The following TAF3 variants were observed in gnomAD, a reference collection of about 807,000 sequenced individuals.
TAF3 encodes the protein TATA-box binding protein associated factor 3.
TAF3 carries 7 observed loss-of-function variants against 80.6 expected under a neutral mutation model. That is an observed-to-expected ratio of 0.09 (90% CI 0.05 to 0.16). The LOEUF (loss-of-function observed/expected upper bound fraction) is 0.16. TAF3 is among the 10% of genes least tolerant of loss of function. TAF3 has a pLI of 1.00. For missense variants in TAF3, 921 were observed against 1,140.2 expected (o/e 0.81, Z 2.77); for synonymous variants, 444 against 446.1 (o/e 1.00, Z 0.06).
intron 2 of TAF3, among the ~76,000 whole-genome samples, chr10:7,933,071 A>G (rs372421047): frequency 6.9e-6 from 1 of 144,934 alleles, no homozygotes; most frequent in Non-Finnish European, 1.5e-5. Flanking sequence ...TACTGCCTTA[A>G]AAGAAGGGGG....
intron 2 of TAF3, among the ~76,000 whole-genome samples, chr10:7,907,923 C>T (rs764210225): frequency 6.6e-6 from 1 of 152,062 alleles, no homozygotes; most frequent in South Asian, 2.1e-4. Context: ...CAGCAGGAGT[C>T]GATGGGGACT....
intron 4 of TAF3, among the ~76,000 whole-genome samples, chr10:7,988,572 C>CAAAAAA (rs58825999): frequency 0.076 from 3,737 of 49,118 alleles, 783 homozygotes; most frequent in Non-Finnish European, 0.12. Flanking sequence ...GACCCTGTCT[C>CAAAAAA]AAAAAAAAAA....
At chr10:7,913,984 A>AG (rs904534638) in intron 2 of TAF3, among the ~76,000 whole-genome samples, 20 of 152,300 alleles carry the variant, frequency 1.3e-4, no homozygotes, top group African/African-American at 4.6e-4. Flanking sequence ...AAAAGAGAGC[A>AG]GGGGGGAACC....
At chr10:7,865,035 A>G (rs933915004) in intron 2 of TAF3, among the ~76,000 whole-genome samples, 1 of 152,106 alleles carries the variant, frequency 6.6e-6, no homozygotes, top group African/African-American at 2.4e-5. Flanking sequence ...CTTGGTAGAA[A>G]TGCCGGTGGA....
rs542793680 is a variant in TAF3 at position 7,908,420 on chromosome 10, C to G, written c.410-55500C>G. Among the ~76,000 whole-genome samples, 6 of 152,310 alleles carry G rather than the reference C, an allele frequency of 3.9e-5. No individual in the cohort carries two copies. In the South Asian group the frequency reaches 1.2e-3, roughly 32 times the overall value. On this transcript the variant is annotated intron_variant, in intron 2 of 6. Transcript: ENST00000344293. ...AAATCTCCTCAACTTTAAGCATTGG[C>G]AACTTTAAATTCTAACAATTGCTAT... is the stretch of plus-strand genomic sequence containing the variant.
intron 2 of TAF3, among the ~76,000 whole-genome samples, chr10:7,932,917 TGATC>T (rs1837882328): frequency 1.3e-5 from 2 of 151,982 alleles, no homozygotes; most frequent in East Asian, 3.9e-4. Context: ...TGGGCTCGAG[TGATC>T]CTCCCGCCTT....
At chr10:7,966,371 A>G (rs11255462) in intron 3 of TAF3, among the ~76,000 whole-genome samples, 44,824 of 152,180 alleles carry the variant, frequency 0.29, 7,970 homozygotes, top group Non-Finnish European at 0.39. Flanking sequence ...GTAATCCCAC[A>G]TGGCAGAAAT....
At chr10:7,898,854 G>A (rs972870906) in intron 2 of TAF3, among the ~76,000 whole-genome samples, 3 of 151,694 alleles carry the variant, frequency 2.0e-5, no homozygotes, top group Non-Finnish European at 2.9e-5. Flanking sequence ...CTCAAATGTT[G>A]TGGATTGCTG....
At chr10:7,940,952 C>T (rs1486773125) in intron 2 of TAF3, among the ~76,000 whole-genome samples, 1 of 150,750 alleles carries the variant, frequency 6.6e-6, no homozygotes, top group Admixed American at 6.6e-5. Flanking sequence ...GAGCAAGACC[C>T]TGTCTCAAAA....
At chr10:7,870,498 T>C (rs116449312) in intron 2 of TAF3, among the ~76,000 whole-genome samples, 2,527 of 152,292 alleles carry the variant, frequency 0.017, 72 homozygotes, top group African/African-American at 0.058. Flanking sequence ...GGTGGTTCAT[T>C]ATAAAATACA....
intron 2 of TAF3, among the ~76,000 whole-genome samples, chr10:7,930,016 C>T (rs191324942): frequency 5.9e-5 from 9 of 152,198 alleles, no homozygotes; most frequent in South Asian, 4.1e-4. Context: ...AGCCTGGGCA[C>T]GATAGGGAGG....
intron 2 of TAF3, among the ~76,000 whole-genome samples, chr10:7,866,673 C>G (rs1219661999): frequency 2.6e-5 from 4 of 151,996 alleles, no homozygotes; most frequent in East Asian, 1.9e-4. Flanking sequence ...AATGGGAAAC[C>G]ATTGAAGAGT....
rs200853732 is a variant in TAF3 at position 7,957,871 on chromosome 10, GT to G, written c.410-6047del. 6.7e-3 allele frequency among the ~76,000 whole-genome samples: 995 copies of G among 149,284 alleles called. 8 individuals carry two copies. Among genetic ancestry groups the G allele is most frequent in the African/African-American group, 0.023 (936 of 40,644 alleles). On this transcript the variant is annotated intron_variant, in intron 2 of 6. Coordinates refer to ENST00000344293, the MANE Select transcript of TAF3 (RefSeq NM_031923.4). ...TTATTATTATTATGTCTATATTTGT[GT>G]TAAAGTAGAAAGGGCCTGTGACCCA...
At chr10:7,864,670 G>A in intron 2 of TAF3, among the ~76,000 whole-genome samples, 1 of 152,022 alleles carries the variant, frequency 6.6e-6, no homozygotes. Flanking sequence ...TTATTATTCA[G>A]CTGTGAAAGT....
chr10:7,831,607 G>A (rs985880735), intron 2 of TAF3, among the ~76,000 whole-genome samples: 6 of 152,186 alleles, frequency 3.9e-5, no homozygotes, highest in African/African-American at 1.2e-4. Context: ...GCCTCCCAAA[G>A]TGCTGGGATT....
chr10:7,932,709 G>A (rs1315548928), intron 2 of TAF3, among the ~76,000 whole-genome samples: 2 of 107,340 alleles, frequency 1.9e-5, no homozygotes, highest in African/African-American at 3.7e-5. Context: ...AGAGGGTCTT[G>A]CTCTGTCATC....
chr10:7,893,670 T>A (rs1259028884), intron 2 of TAF3, among the ~76,000 whole-genome samples: 1 of 152,218 alleles, frequency 6.6e-6, no homozygotes, highest in African/African-American at 2.4e-5. Context: ...TTCCTTCTTA[T>A]CATCCCTTTG....
At chr10:7,830,604 C>A (rs1034022579) in intron 2 of TAF3, among the ~76,000 whole-genome samples, 1 of 151,132 alleles carries the variant, frequency 6.6e-6, no homozygotes, top group South Asian at 2.1e-4. Context: ...CTGCCTCAGC[C>A]TCCCGAGTAG....
At chr10:7,896,327 C>T (rs1257253072) in intron 2 of TAF3, among the ~76,000 whole-genome samples, 1 of 152,162 alleles carries the variant, frequency 6.6e-6, no homozygotes, top group African/African-American at 2.4e-5. Flanking sequence ...CGTTTTCATT[C>T]TGGGGATGGT....
Sources: gnomAD v4.1 joint callset for allele counts (sites outside exome capture counted in the v4.1 genomes callset) on GRCh38, gnomAD v4.1.1 for gene constraint, MANE v1.5 for transcripts, NCBI Gene and HGNC (gene_info 2026-07-23, HGNC 2026-07-21) for gene names.